RASAL2: variants seen among roughly 807,000 people sequenced by gnomAD.
The protein encoded by RASAL2 is ras GTPase-activating protein nGAP.
Under a neutral mutation model 128.9 loss-of-function variants are expected in RASAL2, and 58 were observed. That is an observed-to-expected ratio of 0.45 (90% CI 0.36 to 0.56). RASAL2 has a LOEUF of 0.56. Ranked by LOEUF, RASAL2 falls within the 20% of genes least tolerant of loss-of-function variation. RASAL2 has a pLI of 0.00. For missense variants in RASAL2, 1,360 were observed against 1,601.6 expected (o/e 0.85, Z 2.57); for synonymous variants, 561 against 580.8 (o/e 0.97, Z 0.49).
chr1:178,171,251 A>G (rs1242684593), intron 1 of RASAL2, among the ~76,000 whole-genome samples: 2 of 151,926 alleles, frequency 1.3e-5, no homozygotes, highest in African/African-American at 4.8e-5. Flanking sequence ...AGCACATTGT[A>G]CCTGCTCACT....
At chr1:178,400,576 A>G (rs1219305010) in intron 4 of RASAL2, among the ~76,000 whole-genome samples, 1 of 152,176 alleles carries the variant, frequency 6.6e-6, no homozygotes, top group Non-Finnish European at 1.5e-5. Context: ...CAGACAATTC[A>G]TTTGGGGTGC....
chr1:178,112,086 T>C (rs1489411942), intron 1 of RASAL2, among the ~76,000 whole-genome samples: 1 of 152,198 alleles, frequency 6.6e-6, no homozygotes, highest in African/African-American at 2.4e-5. Flanking sequence ...TCCTCATATA[T>C]TTTGGATATG....
rs75443420 is a variant in RASAL2 at position 178,222,481 on chromosome 1, A to G, written c.203-61083A>G. Among the ~76,000 whole-genome samples, 844 of 152,198 alleles carry G rather than the reference A, an allele frequency of 5.5e-3. 11 individuals carry two copies. The highest frequency in any genetic ancestry group is 0.019 in the African/African-American group (791 of 41,546). On this transcript the variant is annotated intron_variant, in intron 1 of 17. Transcript: ENST00000367649. ...TACGATTAATTCAAGTCTAGTTTCA[A>G]ATAACACTGTATCATTTTACAGATA...
intron 1 of RASAL2, among the ~76,000 whole-genome samples, chr1:178,139,481 T>C (rs1258041015): frequency 1.3e-5 from 2 of 152,080 alleles, no homozygotes; most frequent in Non-Finnish European, 2.9e-5. Flanking sequence ...GATAACAGTG[T>C]TTTTGAATTT....
chr1:178,102,491 G>A (rs1212921526), intron 1 of RASAL2, among the ~76,000 whole-genome samples: 1 of 151,706 alleles, frequency 6.6e-6, no homozygotes, highest in Non-Finnish European at 1.5e-5. Flanking sequence ...CGAATAACTG[G>A]GACTACAGGA....
Position 178,094,760 on chromosome 1 carries a change from C to T in RASAL2, c.202+66C>T, listed in dbSNP as rs1658609218. On this transcript the variant is annotated intron_variant, in intron 1 of 17. Transcript: ENST00000367649. ...TTTTGCTTGGGCTGAAATTCATTCCCTAAGTCACAGGCTCATTCCCAGTCC... is the reference window on the plus strand; with the variant it reads ...TTTTGCTTGGGCTGAAATTCATTCCTTAAGTCACAGGCTCATTCCCAGTCC... 45 of 1,577,946 alleles carry T rather than the reference C, an allele frequency of 2.9e-5. 1 individual carries two copies. In the South Asian group the frequency reaches 4.8e-4, roughly 17 times the overall value.
At chr1:178,113,451 T>G (rs1659408455) in intron 1 of RASAL2, among the ~76,000 whole-genome samples, 1 of 151,760 alleles carries the variant, frequency 6.6e-6, no homozygotes, top group South Asian at 2.1e-4. Context: ...ACTGCAGGCA[T>G]GCATCACCAT....
chr1:178,220,236 C>CA (rs1423475815), intron 1 of RASAL2, among the ~76,000 whole-genome samples: 1 of 152,042 alleles, frequency 6.6e-6, no homozygotes, highest in African/African-American at 2.4e-5. Context: ...TTTATAGAGA[C>CA]ACAAAGTAGA....
At chr1:178,391,964 C>T (rs185882418) in intron 4 of RASAL2, among the ~76,000 whole-genome samples, 66 of 152,220 alleles carry the variant, frequency 4.3e-4, no homozygotes, top group African/African-American at 3.6e-4. Context: ...CTTATTCTTC[C>T]GAGCTCCATT....
chr1:178,443,797 TA>T (rs1455092145), intron 8 of RASAL2, among the ~76,000 whole-genome samples: 4 of 152,136 alleles, frequency 2.6e-5, no homozygotes, highest in African/African-American at 9.7e-5. Context: ...ATTTTTTATT[TA>T]AAGGAGAAAT....
intron 13 of RASAL2, 136 bp downstream of exon 13, chr1:178,457,035 TC>T: frequency 1.3e-6 from 1 of 782,028 alleles, no homozygotes; most frequent in Non-Finnish European, 2.0e-6. Flanking sequence ...CTGAGAGCAG[TC>T]CAATTATTTG....
At chr1:178,437,409 A>G (rs1284672136) in intron 5 of RASAL2, among the ~76,000 whole-genome samples, 1 of 152,114 alleles carries the variant, frequency 6.6e-6, no homozygotes, top group East Asian at 1.9e-4. Context: ...ATACCGGGAC[A>G]TGTGGCACCG....
chr1:178,279,860 A>G (rs979999479), intron 1 of RASAL2, among the ~76,000 whole-genome samples: 3 of 152,184 alleles, frequency 2.0e-5, no homozygotes. Context: ...ATGAGATCAA[A>G]ACTTTTCTGA....
intron 3 of RASAL2, among the ~76,000 whole-genome samples, chr1:178,307,162 A>C (rs1668034197): frequency 6.6e-6 from 1 of 152,102 alleles, no homozygotes; most frequent in Admixed American, 6.6e-5. Flanking sequence ...GCTTATACAC[A>C]TCAACGTATT....
At chr1:178,393,881 A>G (rs193076102) in intron 4 of RASAL2, among the ~76,000 whole-genome samples, 82 of 152,340 alleles carry the variant, frequency 5.4e-4, no homozygotes, top group Non-Finnish European at 1.1e-3. Context: ...GAACGAGTTT[A>G]TCTCACACAT....
intron 17 of RASAL2, among the ~76,000 whole-genome samples, chr1:178,468,980 T>G (rs1019374010): frequency 2.0e-5 from 3 of 152,174 alleles, no homozygotes; most frequent in African/African-American, 7.2e-5. Flanking sequence ...AACAGACTTT[T>G]TAAATAATTT....
At chr1:178,193,273 G>A (rs1277600944) in intron 1 of RASAL2, among the ~76,000 whole-genome samples, 1 of 151,988 alleles carries the variant, frequency 6.6e-6, no homozygotes, top group Non-Finnish European at 1.5e-5. Flanking sequence ...TTTAAATATG[G>A]TTCATAGGAT....
intron 2 of RASAL2, among the ~76,000 whole-genome samples, chr1:178,296,176 C>CATAT (rs1337900123): frequency 7.1e-6 from 1 of 140,622 alleles, no homozygotes. Context: ...TGTGTGTGTG[C>CATAT]ATATATATAT....
intron 1 of RASAL2, among the ~76,000 whole-genome samples, chr1:178,282,902 C>T (rs1557875561): frequency 6.6e-6 from 1 of 152,072 alleles, no homozygotes; most frequent in Non-Finnish European, 1.5e-5. Context: ...ATGTTAGTAA[C>T]CACTTGGTAT....
Sources: gnomAD v4.1 joint callset for allele counts (sites outside exome capture counted in the v4.1 genomes callset) on GRCh38, gnomAD v4.1.1 for gene constraint, MANE v1.5 for transcripts, NCBI Gene and HGNC (gene_info 2026-07-23, HGNC 2026-07-21) for gene names.